Variants in ASCC2 observed in about 807,000 individuals in gnomAD.
ASCC2 encodes the protein activating signal cointegrator 1 complex subunit 2.
ASCC2 carries 42 observed loss-of-function variants against 93.5 expected under a neutral mutation model. The observed-to-expected ratio is 0.45, with a 90% CI of 0.35 to 0.58. The LOEUF (loss-of-function observed/expected upper bound fraction) is 0.58, where lower values mean the gene tolerates loss of function less well. Among genes scored for constraint, ASCC2 ranks in the 20% least tolerant of loss-of-function variants. ASCC2 has a pLI of 0.00. For synonymous variants in ASCC2, 364 were observed against 384.2 expected (o/e 0.95, Z 0.62); for missense variants, 859 against 977.6 (o/e 0.88, Z 1.62).
chr22:29,824,237 T>A (rs565957815), intron 4 of ASCC2, among the ~76,000 whole-genome samples: 19 of 132,228 alleles, frequency 1.4e-4, no homozygotes, highest in Admixed American at 9.3e-4. Flanking sequence ...TTTAAAAAGA[T>A]CCTATTTTTT....
chr22:29,798,736 C>T (rs1010104597), intron 15 of ASCC2, among the ~76,000 whole-genome samples: 18 of 152,364 alleles, frequency 1.2e-4, no homozygotes, highest in Admixed American at 4.6e-4. Context: ...CAGCACCTCC[C>T]ACTCTGTCCT....
At position 29,824,576 on chromosome 22, in the gene ASCC2, C is replaced by T. The variant is rs558610923; in HGVS notation, c.411+511G>A. 3.9e-5 allele frequency among the ~76,000 whole-genome samples: 6 copies of T among 152,100 alleles called. No homozygotes were observed. In the East Asian group the frequency reaches 7.7e-4, roughly 20 times the overall value. ...GCTGCAATGAGCTATAATCACGCCA[C>T]TGCACTCCAGCCTGGGCAACAGAGT... is the stretch of plus-strand genomic sequence containing the variant. On this transcript the variant is annotated intron_variant, in intron 4 of 19. Coordinates refer to ENST00000307790, the MANE Select transcript of ASCC2 (RefSeq NM_032204.5).
In ASCC2 at chr22:29,793,636, T is replaced by C. The variant is rs1291006831; in HGVS notation, c.1729A>G (p.Lys577Glu). 1.3e-6 allele frequency: 2 copies of C among 1,599,522 alleles called. No individual in the cohort carries two copies. The highest frequency in any genetic ancestry group is 1.7e-6 in the Non-Finnish European group (2 of 1,173,638). ...TGCCGCTGTGCCGCCACTGCACGCT[T>C]GTCGTTCAGCAAACTCCGCGTGTTT... ...EENTRSLLNDKRAVAAQRQRY... is the reference protein window; with the variant it reads ...EENTRSLLNDERAVAAQRQRY... The change falls in exon 16 of 20, where the codon AAG becomes GAG. Residue 577 changes from lysine (K) to glutamate (E), a missense_variant. Lys to Glu is a moderately conservative substitution (Grantham distance 56). Transcript: ENST00000307790.
At position 29,813,324 on chromosome 22, in the gene ASCC2, T is replaced by C. The variant is rs1432683731; in HGVS notation, c.833+106A>G. On this transcript the variant is annotated intron_variant, in intron 8 of 19. Coordinates refer to ENST00000307790, the MANE Select transcript of ASCC2 (RefSeq NM_032204.5). ...TGCATCCCCAGGCTGGAAGAGGGAC[T>C]GGTACATTCTAAGCACCCAGTAAAT... is the stretch of plus-strand genomic sequence containing the variant. The C allele has an allele frequency of 2.6e-5, 21 of 809,962 alleles. 1 individual carries two copies. The highest frequency in any genetic ancestry group is 2.5e-4 in the South Asian group (16 of 63,044). 50.2% of individuals were successfully genotyped at this position (809,962 alleles called of 1,614,324 possible). A position where few individuals can be genotyped will look rare whatever the true frequency, so the allele number is the denominator to read the frequency against.
intron 7 of ASCC2, among the ~76,000 whole-genome samples, chr22:29,814,192 T>C (rs1756237381): frequency 6.6e-6 from 1 of 152,214 alleles, no homozygotes; most frequent in Admixed American, 6.5e-5. Flanking sequence ...TGACACATGT[T>C]GAGGCTTCCT....
At position 29,814,684 on chromosome 22, in the gene ASCC2, T is replaced by C. The variant is rs1401402655; in HGVS notation, c.693A>G (p.Arg231=). The C allele has an allele frequency of 6.2e-7, 1 of 1,604,992 alleles. No individual in the cohort carries two copies. Among genetic ancestry groups the C allele is most frequent in the Non-Finnish European group, 8.5e-7 (1 of 1,176,554 alleles). The part of the protein sequence containing the change: ...TTPQKLEERG[R]LTPSDMPLLE... ...GGAGAGGCATGTCACTGGGGGTCAATCGGCCCCTCTCCTCAAGCTTCTGGG... is the reference window on the plus strand; with the variant it reads ...GGAGAGGCATGTCACTGGGGGTCAACCGGCCCCTCTCCTCAAGCTTCTGGG... Residue 231 remains arginine (R), a synonymous_variant, in exon 7 of 20, where the codon CGA becomes CGG. Transcript: ENST00000307790.
chr22:29,820,350 G>A (rs1237047003), intron 5 of ASCC2, among the ~76,000 whole-genome samples: 2 of 151,936 alleles, frequency 1.3e-5, no homozygotes, highest in Non-Finnish European at 2.9e-5. Context: ...TTTTAGTAGA[G>A]ACGGGGTTTC....
intron 12 of ASCC2, among the ~76,000 whole-genome samples, chr22:29,805,223 C>G (rs1042900897): frequency 6.6e-6 from 1 of 152,222 alleles, no homozygotes; most frequent in Admixed American, 6.5e-5. Flanking sequence ...TGTGGGCCAT[C>G]AGGTTTCCCT....
intron 8 of ASCC2, among the ~76,000 whole-genome samples, chr22:29,813,133 G>A (rs371033980): frequency 2.0e-5 from 3 of 152,022 alleles, no homozygotes; most frequent in Admixed American, 1.3e-4. Context: ...CACCCGCCTC[G>A]GCCTCCCAAA....
At chr22:29,795,033 T>G (rs999798725) in intron 15 of ASCC2, among the ~76,000 whole-genome samples, 1 of 151,944 alleles carries the variant, frequency 6.6e-6, no homozygotes, top group Non-Finnish European at 1.5e-5. Context: ...CAAGCGATTC[T>G]CGTGCCTCAG....
chr22:29,799,551 C>T (rs1455490677), intron 15 of ASCC2, among the ~76,000 whole-genome samples: 1 of 152,202 alleles, frequency 6.6e-6, no homozygotes, highest in African/African-American at 2.4e-5. Flanking sequence ...GCTCCTACCA[C>T]AGGAACAAGG....
chr22:29,826,231 G>A (rs951808842), intron 2 of ASCC2: 1 of 153,330 alleles, frequency 6.5e-6, no homozygotes, highest in African/African-American at 2.4e-5. Flanking sequence ...TATCTCTGAT[G>A]GGGGCGGGGG....
chr22:29,815,493 T>TA (rs1389525065), intron 6 of ASCC2, among the ~76,000 whole-genome samples: 1 of 152,180 alleles, frequency 6.6e-6, no homozygotes, highest in Admixed American at 6.5e-5. Flanking sequence ...CGGTCCATCG[T>TA]AGGCACTGAA....
chr22:29,830,105 T>C (rs1295397336), intron 2 of ASCC2, among the ~76,000 whole-genome samples: 2 of 152,124 alleles, frequency 1.3e-5, no homozygotes, highest in Non-Finnish European at 2.9e-5. Flanking sequence ...CTTCCCACCA[T>C]ACCCCCAATT....
intron 5 of ASCC2, chr22:29,816,698 A>C (rs1008558786): frequency 6.6e-6 from 1 of 152,092 alleles, no homozygotes; most frequent in Non-Finnish European, 1.5e-5. Flanking sequence ...AGTGTTTACT[A>C]TTCTCCAAGT....
At chr22:29,836,618 AG>A (rs1232886404) in intron 1 of ASCC2, 1 of 152,064 alleles carries the variant, frequency 6.6e-6, no homozygotes, top group Non-Finnish European at 1.5e-5. Flanking sequence ...TAGAGTGCAG[AG>A]GAACGATCTC....
chr22:29,794,254 G>C (rs2058141587), intron 15 of ASCC2, among the ~76,000 whole-genome samples: 1 of 151,772 alleles, frequency 6.6e-6, no homozygotes, highest in Non-Finnish European at 1.5e-5. Flanking sequence ...AACACTTTGG[G>C]AGGCCGAGGC....
At chr22:29,820,017 G>GT (rs2061363607) in intron 5 of ASCC2, among the ~76,000 whole-genome samples, 1 of 151,644 alleles carries the variant, frequency 6.6e-6, no homozygotes, top group Non-Finnish European at 1.5e-5. Flanking sequence ...ATGCCACCAC[G>GT]CCTAATTTTT....
chr22:29,806,592 C>T (rs1294073225), intron 10 of ASCC2, 39 bp from the exon 11 acceptor site: 1 of 1,571,038 alleles, frequency 6.4e-7, no homozygotes, highest in East Asian at 2.2e-5. Context: ...TCATGCAATG[C>T]AAGATGAGCT....
Sources: allele counts gnomAD v4.1 joint callset (sites outside exome capture counted in the v4.1 genomes callset), GRCh38; gene constraint gnomAD v4.1.1; transcripts MANE v1.5; gene names NCBI Gene and HGNC (gene_info 2026-07-23, HGNC 2026-07-21).